The following MTERF4 variants were observed in gnomAD, a reference collection of about 807,000 sequenced individuals.
The protein encoded by MTERF4 is transcription termination factor 4, mitochondrial.
In MTERF4, 17 loss-of-function variants were observed where a neutral mutation model predicts 22.5. The observed-to-expected ratio is 0.75, with a 90% CI of 0.52 to 1.13. MTERF4 has a LOEUF of 1.13. MTERF4 is among the 50% of genes most tolerant of loss of function. The probability of loss-of-function intolerance (pLI) is 0.00; values close to 1 mark genes in which losing one functional copy is unlikely to be tolerated. For missense variants in MTERF4, 420 were observed against 466.8 expected (o/e 0.90, Z 0.92); for synonymous variants, 165 against 175.3 (o/e 0.94, Z 0.47).
chr2:241,065,576 C>A, the MTERF4 span: 1 of 1,612,206 alleles, frequency 6.2e-7, no homozygotes, highest in South Asian at 1.1e-5. Context: ...GCAGGCCTGC[C>A]GTGCTGCTGG....
At chr2:241,043,354 C>T in the MTERF4 span, among the ~76,000 whole-genome samples, 1 of 152,168 alleles carries the variant, frequency 6.6e-6, no homozygotes, top group Admixed American at 6.5e-5. Flanking sequence ...ACTGGAGTAA[C>T]ACCTTCAAAG....
At chr2:241,063,983 C>A in the MTERF4 span, 1 of 1,493,556 alleles carries the variant, frequency 6.7e-7, no homozygotes, top group Non-Finnish European at 9.1e-7. Context: ...CCCCTTGCAG[C>A]TTGGGCCCAC....
At chr2:241,077,011 G>A (rs969836313) in intron 4 of MTERF4, among the ~76,000 whole-genome samples, 1 of 151,966 alleles carries the variant, frequency 6.6e-6, no homozygotes, top group East Asian at 1.9e-4. Flanking sequence ...CCCGGGAGGT[G>A]GAGCTTGCAG....
downstream of MTERF4, chr2:241,090,375 T>C (rs752151927): frequency 3.9e-6 from 6 of 1,550,278 alleles, no homozygotes; most frequent in South Asian, 7.1e-5. Context: ...GATGCCTTCT[T>C]CTGGAAACCT....
At chr2:241,050,029 C>A in the MTERF4 span, 1 of 916,812 alleles carries the variant, frequency 1.1e-6, no homozygotes, top group Non-Finnish European at 1.8e-6. Flanking sequence ...CCTTGTTTCG[C>A]GAATTGCTGA....
chr2:241,068,968 G>T, downstream of MTERF4: 3 of 1,557,244 alleles, frequency 1.9e-6, no homozygotes, highest in Non-Finnish European at 2.6e-6. This position sits in a 1 kb window ranked among gnomAD's most constrained non-coding sequence, Gnocchi z 5.3. Context: ...GTGGGCTCAG[G>T]GGAGAGGAGC....
downstream of MTERF4, among the ~76,000 whole-genome samples, chr2:241,090,868 CAAAAA>C (rs371271027): frequency 2.0e-5 from 2 of 100,792 alleles, no homozygotes; most frequent in African/African-American, 3.8e-5. Flanking sequence ...CCCTCTGTCT[CAAAAA>C]AAAAAAAAAA....
chr2:241,067,355 A>T (rs1440728154), downstream of MTERF4, among the ~76,000 whole-genome samples: 1 of 152,210 alleles, frequency 6.6e-6, no homozygotes, highest in Non-Finnish European at 1.5e-5. Context: ...CTCCTAAGAC[A>T]GCGTTGCCCA....
At chr2:241,050,273 T>C in the MTERF4 span, among the ~76,000 whole-genome samples, 1 of 152,364 alleles carries the variant, frequency 6.6e-6, no homozygotes, top group African/African-American at 2.4e-5. Flanking sequence ...TAATTCAGCA[T>C]GGAAAATGTC....
At chr2:241,087,493 G>A (rs1279371383), downstream of MTERF4, 6 of 1,590,494 alleles carry the variant, frequency 3.8e-6, no homozygotes, top group Non-Finnish European at 4.3e-6. Flanking sequence ...TGGGGAGCAG[G>A]CCCATGCCGT....
the MTERF4 span, chr2:241,063,278 C>T: frequency 1.2e-5 from 6 of 495,678 alleles, no homozygotes; most frequent in East Asian, 3.8e-5. Context: ...GCCTGAGAAA[C>T]GCAGGCTCCA....
At chr2:241,051,700 A>G in the MTERF4 span, 7 of 1,405,346 alleles carry the variant, frequency 5.0e-6, no homozygotes, top group East Asian at 1.8e-4. This position sits in a 1 kb window ranked among gnomAD's most constrained non-coding sequence, Gnocchi z 4.7. Context: ...CTGTGGGGCC[A>G]GCAGCCTGGC....
At chr2:241,064,275 A>G in the MTERF4 span, 15 of 593,100 alleles carry the variant, frequency 2.5e-5, 1 homozygote, top group South Asian at 1.8e-4. The surrounding 1 kb of genome is among the most constrained non-coding windows in gnomAD (Gnocchi z 7.0). Context: ...TCCCCTTCTC[A>G]GGCCAGTGGC....
chr2:241,046,747 T>C, the MTERF4 span, among the ~76,000 whole-genome samples: 5 of 152,218 alleles, frequency 3.3e-5, no homozygotes, highest in African/African-American at 1.2e-4. Context: ...AATCTATATA[T>C]GTGTTAAAAT....
At chr2:241,048,966 G>A in the MTERF4 span, 1 of 1,476,066 alleles carries the variant, frequency 6.8e-7, no homozygotes, top group Non-Finnish European at 9.3e-7. Context: ...ACAAGGACTC[G>A]AGGTCTGCTG....
chr2:241,042,909 AAGG>A, the MTERF4 span, among the ~76,000 whole-genome samples: 9 of 152,336 alleles, frequency 5.9e-5, no homozygotes, highest in African/African-American at 2.2e-4. Context: ...GGAGTCTGCG[AAGG>A]AGGATGGAGA....
chr2:241,089,504 C>T (rs2063770455), downstream of MTERF4: 10 of 1,422,334 alleles, frequency 7.0e-6, no homozygotes, highest in East Asian at 5.0e-5. Context: ...GCCGGAGCTC[C>T]GCACATGGCA....
chr2:241,069,074 C>T, downstream of MTERF4: 1 of 1,288,246 alleles, frequency 7.8e-7, no homozygotes, highest in Non-Finnish European at 1.1e-6. This position sits in a 1 kb window ranked among gnomAD's most constrained non-coding sequence, Gnocchi z 4.9. Context: ...CTTCTAGAAG[C>T]TCTGGCTTCC....
At chr2:241,057,776 T>C in the MTERF4 span, among the ~76,000 whole-genome samples, 1 of 152,222 alleles carries the variant, frequency 6.6e-6, no homozygotes, top group East Asian at 1.9e-4. Context: ...AAATATATTC[T>C]CATACAAACA....
Sources: allele counts gnomAD v4.1 joint callset (sites outside exome capture counted in the v4.1 genomes callset), GRCh38; gene constraint gnomAD v4.1.1; non-coding constraint Gnocchi (gnomAD v3.1); transcripts MANE v1.5; gene names NCBI Gene and HGNC (gene_info 2026-07-23, HGNC 2026-07-21).